The following FSTL4 variants were observed in gnomAD, a reference collection of about 807,000 sequenced individuals.
FSTL4 encodes the protein follistatin like 4.
A neutral mutation model predicts 78.2 loss-of-function variants in FSTL4; 28 were observed. The ratio of observed to expected loss-of-function variants is 0.36; its 90% CI spans 0.27 to 0.49. FSTL4 has a LOEUF of 0.49. Among genes scored for constraint, FSTL4 ranks in the 20% least tolerant of loss-of-function variants. The pLI, the probability that FSTL4 is intolerant of heterozygous loss-of-function variation, is 0.98. For synonymous variants in FSTL4, 422 were observed against 440.5 expected, an observed-to-expected ratio of 0.96 and a Z score of 0.53; for missense variants, 922 against 1,084.9, an observed-to-expected ratio of 0.85 and a Z score of 2.11.
Position 133,608,291 on chromosome 5 carries a change from C to T in FSTL4, c.-11+4034G>A, listed in dbSNP as rs1266475335. 2.6e-5 allele frequency among the ~76,000 whole-genome samples: 4 copies of T among 152,336 alleles called. No individual in the cohort carries two copies. The South Asian group carries it at 8.3e-4, about 32-fold the overall frequency. ...AGACTACCTTTTGTTCCAAACAAGT[C>T]ATAAAGTACACTGACTTGATGCTTT... On this transcript the variant is annotated intron_variant, in intron 1 of 15. Transcript: ENST00000265342.
chr5:133,266,391 T>C (rs1165855277), intron 6 of FSTL4, among the ~76,000 whole-genome samples: 1 of 152,254 alleles, frequency 6.6e-6, no homozygotes, highest in Non-Finnish European at 1.5e-5. Context: ...CGCAGGGCAA[T>C]TGTCAGTGAA....
intron 5 of FSTL4, among the ~76,000 whole-genome samples, chr5:133,313,336 C>T (rs987536102): frequency 6.6e-6 from 1 of 152,178 alleles, no homozygotes; most frequent in African/African-American, 2.4e-5. Context: ...GAGCTTCCCC[C>T]CTGCCTGCCT....
chr5:133,646,603 C>T, the FSTL4 span, among the ~76,000 whole-genome samples: 9 of 151,990 alleles, frequency 5.9e-5, no homozygotes, highest in Non-Finnish European at 1.2e-4. Flanking sequence ...TCCAGGGAAG[C>T]GGTAAAGATG....
chr5:133,655,283 G>T, the FSTL4 span, among the ~76,000 whole-genome samples: 1 of 152,084 alleles, frequency 6.6e-6, no homozygotes, highest in Admixed American at 6.5e-5. Flanking sequence ...GATTAAGCCA[G>T]AGCCTCTGGC....
At chr5:133,516,564 A>C (rs1028689328) in intron 3 of FSTL4, among the ~76,000 whole-genome samples, 1 of 152,246 alleles carries the variant, frequency 6.6e-6, no homozygotes, top group Non-Finnish European at 1.5e-5. Flanking sequence ...TAAAGATTTA[A>C]ATTTTCTCCA....
chr5:133,820,191 A>T, the FSTL4 span, among the ~76,000 whole-genome samples: 3 of 152,006 alleles, frequency 2.0e-5, no homozygotes, highest in Admixed American at 1.3e-4. Flanking sequence ...TTCCCCACAG[A>T]GCAGCACAGC....
At chr5:133,552,220 T>A (rs940127066) in intron 3 of FSTL4, among the ~76,000 whole-genome samples, 1 of 152,214 alleles carries the variant, frequency 6.6e-6, no homozygotes, top group Non-Finnish European at 1.5e-5. Flanking sequence ...TATACCTTAG[T>A]ACAAAACAGG....
chr5:133,365,890 C>T (rs1393093766), intron 4 of FSTL4, among the ~76,000 whole-genome samples: 4 of 152,258 alleles, frequency 2.6e-5, no homozygotes, highest in Admixed American at 1.3e-4. Flanking sequence ...CTCCTGCAGC[C>T]TGCAAGCCTC....
intron 6 of FSTL4, among the ~76,000 whole-genome samples, chr5:133,299,211 G>A (rs1166524106): frequency 6.6e-6 from 1 of 152,134 alleles, no homozygotes; most frequent in Non-Finnish European, 1.5e-5. Flanking sequence ...GCTGAGTCCG[G>A]CAAGATCAAT....
the FSTL4 span, among the ~76,000 whole-genome samples, chr5:133,788,975 T>C: frequency 4.6e-5 from 7 of 152,094 alleles, no homozygotes; most frequent in Non-Finnish European, 8.8e-5. Context: ...AAGAGGCTGA[T>C]TGCACTGGGC....
chr5:133,375,291 C>CATATATATATGTATGTGTATAT (rs67110507), intron 4 of FSTL4, among the ~76,000 whole-genome samples: 8 of 57,918 alleles, frequency 1.4e-4, no homozygotes, highest in African/African-American at 3.5e-4. Flanking sequence ...GTGTGCATGG[C>CATATATATATGTATGTGTATAT]ATATATATAT....
chr5:133,590,956 A>G (rs1159251782), intron 2 of FSTL4, among the ~76,000 whole-genome samples: 2 of 152,150 alleles, frequency 1.3e-5, no homozygotes, highest in Non-Finnish European at 2.9e-5. Flanking sequence ...CTGAGGATGG[A>G]GCATGGAGCC....
Position 133,394,163 on chromosome 5 carries a change from C to T in FSTL4, c.409+6575G>A, listed in dbSNP as rs528347422. On this transcript the variant is annotated intron_variant, in intron 4 of 15. Transcript: ENST00000265342. ...CCCTCTTTGGGAAATGAGAATGTTG[C>T]AGTAGCTTATCTGACACTGAGAGGT... Among the ~76,000 whole-genome samples the T allele has an allele frequency of 2.6e-5, 4 of 152,362 alleles. No individual in the cohort carries two copies. The South Asian group carries it at 8.3e-4, about 32-fold the overall frequency.
At chr5:133,619,178 C>T in the FSTL4 span, among the ~76,000 whole-genome samples, 341 of 152,180 alleles carry the variant, frequency 2.2e-3, no homozygotes, top group Non-Finnish European at 3.8e-3. Flanking sequence ...GAGGTGGTAC[C>T]TCTTTTCCCT....
At chr5:133,490,954 G>T (rs1170181820) in intron 3 of FSTL4, among the ~76,000 whole-genome samples, 1 of 152,136 alleles carries the variant, frequency 6.6e-6, no homozygotes, top group Admixed American at 6.5e-5. Flanking sequence ...CTACTTGAGG[G>T]TGGAGTTCAG....
chr5:133,650,204 C>G, the FSTL4 span, among the ~76,000 whole-genome samples: 1 of 98,530 alleles, frequency 1.0e-5, no homozygotes, highest in Non-Finnish European at 2.3e-5. Context: ...GAAGGATTCA[C>G]CCCCATGACC....
chr5:133,693,348 A>G, the FSTL4 span, among the ~76,000 whole-genome samples: 11 of 152,344 alleles, frequency 7.2e-5, no homozygotes, highest in East Asian at 1.9e-3. Context: ...TATAATCATC[A>G]CACTTTATTA....
At chr5:133,285,147 G>A (rs1485657593) in intron 6 of FSTL4, among the ~76,000 whole-genome samples, 1 of 152,226 alleles carries the variant, frequency 6.6e-6, no homozygotes, top group East Asian at 1.9e-4. Context: ...TAGTTCATGA[G>A]GGAACAGGGA....
intron 3 of FSTL4, among the ~76,000 whole-genome samples, chr5:133,432,765 C>A (rs927326734): frequency 3.3e-5 from 5 of 152,212 alleles, no homozygotes; most frequent in East Asian, 1.9e-4. Context: ...CTGGCGAGGC[C>A]CACTCACTTG....
Sources: gnomAD v4.1 joint callset for allele counts (sites outside exome capture counted in the v4.1 genomes callset) on GRCh38, gnomAD v4.1.1 for gene constraint, MANE v1.5 for transcripts, NCBI Gene and HGNC (gene_info 2026-07-23, HGNC 2026-07-21) for gene names.